Variants in BABAM2 observed in about 807,000 individuals in gnomAD.
The protein encoded by BABAM2 is BRISC and BRCA1 A complex member 2.
Under a neutral mutation model 54.7 loss-of-function variants are expected in BABAM2, and 31 were observed. The observed-to-expected ratio is 0.57, with a 90% confidence interval of 0.43 to 0.77. The LOEUF (loss-of-function observed/expected upper bound fraction) is 0.77, where lower values mean the gene tolerates loss of function less well. Ranked by LOEUF, BABAM2 falls within the 30% of genes least tolerant of loss-of-function variation. The pLI is 0.00. For synonymous variants in BABAM2, 167 were observed against 162.9 expected, an observed-to-expected ratio of 1.03 and a Z score of -0.19; for missense variants, 364 against 455.8, an observed-to-expected ratio of 0.80 and a Z score of 1.83.
intron 7 of BABAM2, among the ~76,000 whole-genome samples, chr2:28,160,563 C>CT (rs564771293): frequency 6.6e-6 from 1 of 151,906 alleles, no homozygotes; most frequent in African/African-American, 2.4e-5. Flanking sequence ...ACAAATATGG[C>CT]TTTTTTTGTA....
At chr2:28,307,439 T>C (rs78253936) in intron 11 of BABAM2, among the ~76,000 whole-genome samples, 1 of 151,848 alleles carries the variant, frequency 6.6e-6, no homozygotes, top group Non-Finnish European at 1.5e-5. Context: ...TTTCTTCCTG[T>C]ATTCTTTCAG....
chr2:28,299,981 T>C (rs1658873030), intron 11 of BABAM2, among the ~76,000 whole-genome samples: 1 of 152,160 alleles, frequency 6.6e-6, no homozygotes, highest in South Asian at 2.1e-4. Flanking sequence ...CTCTGTTGCC[T>C]AGGCTGGAGT....
At chr2:28,093,493 A>G (rs553441342) in intron 6 of BABAM2, among the ~76,000 whole-genome samples, 5 of 152,294 alleles carry the variant, frequency 3.3e-5, no homozygotes, top group African/African-American at 4.8e-5. Flanking sequence ...TGTCATCAGC[A>G]TAATGTCAGC....
intron 10 of BABAM2, among the ~76,000 whole-genome samples, chr2:28,296,750 C>T (rs974394989): frequency 9.9e-5 from 15 of 152,200 alleles, no homozygotes; most frequent in South Asian, 2.1e-4. Flanking sequence ...TGCAGTGGCG[C>T]GATCACAGCT....
intron 6 of BABAM2, among the ~76,000 whole-genome samples, chr2:28,106,610 T>A (rs1466914142): frequency 6.6e-6 from 1 of 152,236 alleles, no homozygotes; most frequent in Non-Finnish European, 1.5e-5. Flanking sequence ...GAGGTGATGT[T>A]ATATATTTTC....
At chr2:27,927,249 AC>A (rs1045099268) in intron 2 of BABAM2, among the ~76,000 whole-genome samples, 1 of 152,220 alleles carries the variant, frequency 6.6e-6, no homozygotes, top group African/African-American at 2.4e-5. Flanking sequence ...CGGGAAAAAA[AC>A]AATTTGTCAT....
intron 7 of BABAM2, among the ~76,000 whole-genome samples, chr2:28,164,612 T>A (rs1247815283): frequency 6.6e-6 from 1 of 152,100 alleles, no homozygotes; most frequent in Non-Finnish European, 1.5e-5. Context: ...CTTTTCTTTT[T>A]CCCATACATT....
intron 6 of BABAM2, among the ~76,000 whole-genome samples, chr2:28,068,400 G>T (rs1254920014): frequency 6.6e-6 from 1 of 152,110 alleles, no homozygotes; most frequent in Non-Finnish European, 1.5e-5. Flanking sequence ...CCTTTGTTAA[G>T]AATACATAAA....
intron 10 of BABAM2, among the ~76,000 whole-genome samples, chr2:28,251,999 G>A (rs957580687): frequency 3.9e-5 from 6 of 151,912 alleles, no homozygotes; most frequent in African/African-American, 9.7e-5. Context: ...GAGATCAGCC[G>A]AAACATGGTG....
At chr2:28,141,595 G>A (rs977002456) in intron 7 of BABAM2, among the ~76,000 whole-genome samples, 2 of 152,066 alleles carry the variant, frequency 1.3e-5, no homozygotes, top group African/African-American at 4.8e-5. Context: ...TCATGATGGG[G>A]ACAGAAGAAT....
intron 8 of BABAM2, 107 bp from the exon 9 acceptor site, chr2:28,241,216 G>A: frequency 9.6e-7 from 1 of 1,036,378 alleles, no homozygotes; most frequent in Non-Finnish European, 1.5e-6. Flanking sequence ...GGGAATACCG[G>A]TGTTCACTTT....
chr2:28,061,643 C>G (rs1678887278), intron 6 of BABAM2, among the ~76,000 whole-genome samples: 1 of 146,946 alleles, frequency 6.8e-6, no homozygotes, highest in South Asian at 2.2e-4. Context: ...CTTGAAAAGA[C>G]ATATATATAT....
intron 10 of BABAM2, among the ~76,000 whole-genome samples, chr2:28,282,266 T>C (rs1382720964): frequency 6.6e-6 from 1 of 152,050 alleles, no homozygotes; most frequent in African/African-American, 2.4e-5. Flanking sequence ...TTCTTAAAAG[T>C]CTGAGCTCAT....
chr2:28,189,246 A>G (rs1676647830), intron 7 of BABAM2, among the ~76,000 whole-genome samples: 1 of 152,190 alleles, frequency 6.6e-6, no homozygotes, highest in Non-Finnish European at 1.5e-5. Context: ...CAATACTCTA[A>G]GCATTATGGA....
At chr2:28,067,834 A>G (rs1295957219) in intron 6 of BABAM2, among the ~76,000 whole-genome samples, 1 of 152,216 alleles carries the variant, frequency 6.6e-6, no homozygotes, top group Non-Finnish European at 1.5e-5. Flanking sequence ...GAAGCTCCTT[A>G]TGGCAGAATT....
intron 10 of BABAM2, among the ~76,000 whole-genome samples, chr2:28,287,718 A>C (rs748358737): frequency 8.5e-5 from 13 of 152,136 alleles, no homozygotes; most frequent in Non-Finnish European, 1.8e-4. Flanking sequence ...GGTTGAAGGG[A>C]ATGAACACAG....
At chr2:27,920,692 A>G (rs1275728240) in intron 2 of BABAM2, among the ~76,000 whole-genome samples, 3 of 152,200 alleles carry the variant, frequency 2.0e-5, no homozygotes, top group Non-Finnish European at 4.4e-5. Flanking sequence ...ACAGGAAGCT[A>G]TGTAGGACAC....
intron 10 of BABAM2, among the ~76,000 whole-genome samples, chr2:28,267,089 G>T (rs1202128546): frequency 6.6e-6 from 1 of 152,180 alleles, no homozygotes; most frequent in East Asian, 1.9e-4. Flanking sequence ...CTGGGAGGCG[G>T]AGGTTGCAGT....
At chr2:27,942,655 A>G (rs2148386310) in intron 3 of BABAM2, among the ~76,000 whole-genome samples, 1 of 151,878 alleles carries the variant, frequency 6.6e-6, no homozygotes, top group African/African-American at 2.4e-5. Flanking sequence ...GGCATGAGCC[A>G]TTGCACCCGG....
Sources: allele counts gnomAD v4.1 joint callset (sites outside exome capture counted in the v4.1 genomes callset), GRCh38; gene constraint gnomAD v4.1.1; transcripts MANE v1.5; gene names NCBI Gene and HGNC (gene_info 2026-07-23, HGNC 2026-07-21).